ZNF362: variants seen among roughly 807,000 people sequenced by gnomAD.
ZNF362 encodes the protein zinc finger protein 362, also known as rotund homolog.
A neutral mutation model predicts 42.9 loss-of-function variants in ZNF362; 11 were observed. That is an observed-to-expected ratio of 0.26 (90% CI 0.16 to 0.42). ZNF362 has a LOEUF of 0.42. Among genes scored for constraint, ZNF362 ranks in the 20% least tolerant of loss-of-function variants. The pLI is 1.00. For missense variants in ZNF362, 362 were observed against 576.2 expected, an observed-to-expected ratio of 0.63 and a Z score of 3.81; for synonymous variants, 255 against 257.3, an observed-to-expected ratio of 0.99 and a Z score of 0.09.
the ZNF362 span, chr1:33,147,692 G>A: frequency 3.7e-6 from 6 of 1,613,344 alleles, no homozygotes; most frequent in Non-Finnish European, 5.1e-6. The surrounding 1 kb of genome is among the most constrained non-coding windows in gnomAD (Gnocchi z 8.1). Flanking sequence ...AGGCGCTGGT[G>A]GGCTGTGCCC....
Position 33,295,802 on chromosome 1 carries a change from A to G in ZNF362, c.1146+497A>G, listed in dbSNP as rs1255708044. ...GGGCCTTTTGGCACCCAGAAATACC[A>G]TTCACCCCCAGGCGAATCGCTTGAG... On this transcript the variant is annotated intron_variant, in intron 8 of 8. Coordinates refer to ENST00000539719, the MANE Select transcript of ZNF362 (RefSeq NM_152493.3). 4.6e-5 allele frequency among the ~76,000 whole-genome samples: 7 copies of G among 152,200 alleles called. No individual in the cohort carries two copies. The South Asian group carries it at 1.5e-3, about 32-fold the overall frequency.
At chr1:33,241,723 G>A in the ZNF362 span, among the ~76,000 whole-genome samples, 1 of 152,124 alleles carries the variant, frequency 6.6e-6, no homozygotes, top group African/African-American at 2.4e-5. Context: ...AACAGAAGAT[G>A]CCGGTCTTAT....
At chr1:33,206,742 G>A in the ZNF362 span, among the ~76,000 whole-genome samples, 1,605 of 152,194 alleles carry the variant, frequency 0.011, 36 homozygotes, top group African/African-American at 0.036. Flanking sequence ...CTCAATAATA[G>A]TAAAACACAC....
Position 33,281,568 on chromosome 1 carries a change from C to T in ZNF362, c.684-19C>T. On this transcript the variant is annotated intron_variant, in intron 5 of 8. Transcript: ENST00000539719. This position sits in a 1 kb window ranked among gnomAD's most constrained non-coding sequence, Gnocchi z 4.8. ...AGTCTGGGGGATCTTCCCACGTGAA[C>T]CTGTCTCTTGCTCCGCAGGTGTAAG... 6.2e-7 allele frequency: 1 copy of T among 1,613,240 alleles called. No homozygotes were observed. Among genetic ancestry groups the T allele is most frequent in the Non-Finnish European group, 8.5e-7 (1 of 1,179,220 alleles).
chr1:33,271,974 A>C (rs1367268904), intron 2 of ZNF362, among the ~76,000 whole-genome samples: 2 of 152,074 alleles, frequency 1.3e-5, no homozygotes, highest in Non-Finnish European at 2.9e-5. Flanking sequence ...GGAGGTGGGG[A>C]CTTCGGGCTT....
the ZNF362 span, among the ~76,000 whole-genome samples, chr1:33,143,402 G>C: frequency 6.6e-5 from 10 of 152,314 alleles, no homozygotes; most frequent in Middle Eastern, 3.4e-3. Flanking sequence ...GATCCACTGA[G>C]CCAAAATGAG....
chr1:33,151,263 G>T, the ZNF362 span, among the ~76,000 whole-genome samples: 1 of 152,100 alleles, frequency 6.6e-6, no homozygotes, highest in African/African-American at 2.4e-5. Flanking sequence ...GACAGGATGG[G>T]TACAGGGCCT....
At chr1:33,262,554 G>A (rs932712639) in intron 1 of ZNF362, among the ~76,000 whole-genome samples, 2 of 151,932 alleles carry the variant, frequency 1.3e-5, no homozygotes, top group Non-Finnish European at 2.9e-5. Flanking sequence ...TGATCCATCC[G>A]CCTTGGCCTC....
chr1:33,150,711 A>G, the ZNF362 span, among the ~76,000 whole-genome samples: 1 of 152,162 alleles, frequency 6.6e-6, no homozygotes, highest in Non-Finnish European at 1.5e-5. Context: ...AATGTGGGCA[A>G]TTCCCACAGT....
At position 33,276,566 on chromosome 1, in the gene ZNF362, C is replaced by T. The variant is rs1249158322; in HGVS notation, c.321C>T (p.His107=). ...TGCCGCAGCCCGACGTGGCGCTGCA[C>T]GCACGGCCGGCCACCAGCACCGTCA... ...QAVPQPDVAL[H]ARPATSTVTG... The change falls in exon 4 of 9, where the codon CAC becomes CAT. Residue 107 remains histidine, a synonymous_variant. Transcript: ENST00000539719. 1.3e-5 allele frequency: 18 copies of T among 1,389,154 alleles called. No individual in the cohort carries two copies. Among genetic ancestry groups the T allele is most frequent in the African/African-American group, 1.1e-4 (7 of 65,694 alleles). 86.1% of individuals were successfully genotyped at this position (1,389,154 alleles called of 1,614,324 possible).
chr1:33,224,492 G>A, the ZNF362 span, among the ~76,000 whole-genome samples: 2 of 152,128 alleles, frequency 1.3e-5, no homozygotes, highest in African/African-American at 2.4e-5. Flanking sequence ...TGTGTTTCAT[G>A]TGTTTCTTAC....
the ZNF362 span, among the ~76,000 whole-genome samples, chr1:33,239,601 C>T: frequency 2.6e-5 from 4 of 152,046 alleles, no homozygotes; most frequent in Non-Finnish European, 4.4e-5. Flanking sequence ...GCCTGCTTCA[C>T]GGGGGCGCAG....
In ZNF362 at chr1:33,281,458, T is replaced by C. The variant is rs1645993666; in HGVS notation, c.684-129T>C. The C allele has an allele frequency of 2.4e-5, 20 of 832,912 alleles. No individual in the cohort carries two copies. The South Asian group carries it at 3.1e-4, about 13-fold the overall frequency. 51.6% of individuals were successfully genotyped at this position (832,912 alleles called of 1,614,324 possible). ...ACTGTCCCCTGTCTTTCCCAGGTGG[T>C]CCTGTGCTTCTTGGGCTCATCACAG... On this transcript the variant is annotated intron_variant, in intron 5 of 8. Transcript: ENST00000539719. This position sits in a 1 kb window ranked among gnomAD's most constrained non-coding sequence, Gnocchi z 4.8.
At chr1:33,240,971 G>A in the ZNF362 span, among the ~76,000 whole-genome samples, 2 of 152,188 alleles carry the variant, frequency 1.3e-5, no homozygotes, top group African/African-American at 2.4e-5. Context: ...TGCACCACAC[G>A]AAGCTGTGCA....
the ZNF362 span, among the ~76,000 whole-genome samples, chr1:33,152,250 T>G: frequency 6.6e-6 from 1 of 152,148 alleles, no homozygotes; most frequent in African/African-American, 2.4e-5. Context: ...TCCCAGCATG[T>G]GGCCCCAGAA....
the ZNF362 span, among the ~76,000 whole-genome samples, chr1:33,239,435 A>G: frequency 1.3e-5 from 2 of 152,218 alleles, no homozygotes; most frequent in Non-Finnish European, 2.9e-5. Flanking sequence ...GCTCAAAAGA[A>G]TGATAGTGTA....
chr1:33,136,256 T>C, the ZNF362 span, among the ~76,000 whole-genome samples: 1 of 151,374 alleles, frequency 6.6e-6, no homozygotes, highest in Non-Finnish European at 1.5e-5. Context: ...TCTCTCTTTC[T>C]TTTTCTTTCT....
At chr1:33,274,659 A>G (rs185913707) in intron 2 of ZNF362, among the ~76,000 whole-genome samples, 2 of 152,288 alleles carry the variant, frequency 1.3e-5, no homozygotes, top group East Asian at 1.9e-4. Context: ...GGGTAAGGAC[A>G]TTTGCATATA....
At chr1:33,249,170 G>A in the ZNF362 span, among the ~76,000 whole-genome samples, 1 of 152,236 alleles carries the variant, frequency 6.6e-6, no homozygotes, top group Non-Finnish European at 1.5e-5. Flanking sequence ...GAGCCACATG[G>A]TGGGTGAGGA....
Sources: gnomAD v4.1 joint callset for allele counts (sites outside exome capture counted in the v4.1 genomes callset) on GRCh38, gnomAD v4.1.1 for gene constraint, Gnocchi (gnomAD v3.1) non-coding constraint, MANE v1.5 for transcripts, NCBI Gene and HGNC (gene_info 2026-07-23, HGNC 2026-07-21) for gene names.